The following RHBDL3 variants were observed in gnomAD, a reference collection of about 807,000 sequenced individuals.
The protein encoded by RHBDL3 is rhomboid like 3.
RHBDL3 carries 28 observed loss-of-function variants against 48.2 expected under a neutral mutation model. The observed-to-expected ratio is 0.58, with a 90% CI of 0.43 to 0.80. The LOEUF (loss-of-function observed/expected upper bound fraction) is 0.80, where lower values mean the gene tolerates loss of function less well. Among genes scored for constraint, RHBDL3 ranks in the 30% least tolerant of loss-of-function variants. The pLI is 0.00. For synonymous variants in RHBDL3, 208 were observed against 232.3 expected, an observed-to-expected ratio of 0.90 and a Z score of 0.95; for missense variants, 464 against 542.7, an observed-to-expected ratio of 0.85 and a Z score of 1.44.
At chr17:32,312,363 AGGT>A (rs1476680602) in intron 7 of RHBDL3, among the ~76,000 whole-genome samples, 1 of 152,156 alleles carries the variant, frequency 6.6e-6, no homozygotes, top group Non-Finnish European at 1.5e-5. Context: ...TGAGCCCAGA[AGGT>A]CAAGGCTGCA....
At chr17:32,287,269 A>C (rs1380932849) in intron 3 of RHBDL3, among the ~76,000 whole-genome samples, 1 of 152,144 alleles carries the variant, frequency 6.6e-6, no homozygotes, top group Non-Finnish European at 1.5e-5. Context: ...TCCCCTGTGC[A>C]GGTGCATCCT....
At chr17:32,315,303 C>A (rs998695170) in intron 7 of RHBDL3, among the ~76,000 whole-genome samples, 1 of 152,208 alleles carries the variant, frequency 6.6e-6, no homozygotes, top group Non-Finnish European at 1.5e-5. Flanking sequence ...AGGAAGATTC[C>A]GGGCTTATTT....
chr17:32,294,579 CATTT>C (rs1382547117), intron 5 of RHBDL3, 137 bp downstream of exon 5: 1 of 747,398 alleles, frequency 1.3e-6, no homozygotes, highest in Non-Finnish European at 2.1e-6. Flanking sequence ...GCTTGAAACT[CATTT>C]AATACCAAAA....
rs2041151618 is a variant in RHBDL3 at position 32,322,213 on chromosome 17, G to C, written c.*984G>C. On this transcript the variant is annotated 3_prime_UTR_variant, in exon 9 of 9. Transcript: ENST00000269051. ...CTGCAGAGAAGGCATGGAGGATGCA[G>C]GGGGCCCATGTGGGCATCCGTGAGA... 6.6e-6 allele frequency: 1 copy of C among 152,566 alleles called. No individual in the cohort carries two copies. The allele number at this position is 152,566 out of a possible 1,614,324, so 9.5% of individuals were successfully genotyped here. A position where few individuals can be genotyped will look rare whatever the true frequency, so the allele number is the denominator to read the frequency against.
chr17:32,294,150 G>A, intron 4 of RHBDL3, 144 bp from the exon 5 acceptor site: 2 of 535,666 alleles, frequency 3.7e-6, no homozygotes, highest in East Asian at 6.6e-5. Context: ...AAAAAACTCA[G>A]TTGGGCCCTG....
intron 5 of RHBDL3, among the ~76,000 whole-genome samples, chr17:32,295,952 C>T (rs1008663526): frequency 1.3e-5 from 2 of 151,984 alleles, no homozygotes; most frequent in Non-Finnish European, 2.9e-5. Context: ...TCCAGCCGGG[C>T]GCGGTGGCTC....
intron 3 of RHBDL3, among the ~76,000 whole-genome samples, chr17:32,287,889 A>G (rs535121072): frequency 5.9e-5 from 9 of 152,320 alleles, no homozygotes; most frequent in African/African-American, 1.7e-4. Context: ...TCGGGAGGCC[A>G]GGAGTCAGCA....
intron 8 of RHBDL3, among the ~76,000 whole-genome samples, chr17:32,320,195 C>T (rs2041090010): frequency 6.6e-6 from 1 of 152,014 alleles, no homozygotes; most frequent in Non-Finnish European, 1.5e-5. Flanking sequence ...ATCACCTGAG[C>T]CCGGGAGGTT....
At chr17:32,275,084 T>G (rs968441479) in intron 2 of RHBDL3, among the ~76,000 whole-genome samples, 3 of 152,142 alleles carry the variant, frequency 2.0e-5, no homozygotes, top group African/African-American at 7.2e-5. Context: ...AGAGAGACCC[T>G]TTGGTGGCTG....
chr17:32,280,355 G>A (rs558787856), intron 2 of RHBDL3: 22 of 152,496 alleles, frequency 1.4e-4, no homozygotes, highest in African/African-American at 5.3e-4. Context: ...CAGTGCCTGG[G>A]GGAGGGGAGC....
chr17:32,297,093 C>T (rs1189969571), intron 5 of RHBDL3, among the ~76,000 whole-genome samples: 1 of 151,906 alleles, frequency 6.6e-6, no homozygotes, highest in Non-Finnish European at 1.5e-5. Context: ...TCAGGTGATC[C>T]ACCTGTCTGG....
intron 5 of RHBDL3, among the ~76,000 whole-genome samples, chr17:32,297,652 CTTTTTTTTTTTTTTTTTTT>C (rs71362824): frequency 5.9e-5 from 3 of 50,942 alleles, no homozygotes; most frequent in Non-Finnish European, 1.1e-4. Context: ...GTTGCTGGAT[CTTTTTTTTTTTTTTTTTTT>C]TTTTTTTTTT....
chr17:32,320,950 C>T lies in RHBDL3; in HGVS notation c.944-8C>T. 14 of 1,607,548 alleles carry T rather than the reference C, an allele frequency of 8.7e-6. No individual in the cohort carries two copies. Among genetic ancestry groups the T allele is most frequent in the Non-Finnish European group, 1.2e-5 (14 of 1,176,072 alleles). On this transcript the variant is annotated splice_polypyrimidine_tract_variant and splice_region_variant and intron_variant, in intron 8 of 8. Coordinates refer to ENST00000269051, the MANE Select transcript of RHBDL3 (RefSeq NM_138328.3). Reference sequence around the variant, plus strand: ...CCTGTGACATCTCTCTGCTTCCTCCCCTTGCAGTGAGCATGGAGTTTGGGC... The same window carrying T: ...CCTGTGACATCTCTCTGCTTCCTCCTCTTGCAGTGAGCATGGAGTTTGGGC...
At chr17:32,310,298 T>A (rs1446142004) in intron 7 of RHBDL3, among the ~76,000 whole-genome samples, 1 of 152,154 alleles carries the variant, frequency 6.6e-6, no homozygotes, top group East Asian at 1.9e-4. Context: ...GTTTACTTTA[T>A]TGGCCGGGCG....
intron 6 of RHBDL3, among the ~76,000 whole-genome samples, chr17:32,300,927 C>G (rs1021258142): frequency 6.6e-6 from 1 of 151,682 alleles, no homozygotes; most frequent in African/African-American, 2.4e-5. Context: ...GTCACCCAGG[C>G]TGGAGTGCAG....
chr17:32,267,762 C>T, intron 1 of RHBDL3, 140 bp from the exon 2 acceptor site: 2 of 1,495,114 alleles, frequency 1.3e-6, no homozygotes, highest in Non-Finnish European at 1.8e-6. Flanking sequence ...TGTGGCCAGT[C>T]CCTGAGCCTG....
At chr17:32,309,800 G>C (rs1488210109) in intron 7 of RHBDL3, among the ~76,000 whole-genome samples, 1 of 105,902 alleles carries the variant, frequency 9.4e-6, no homozygotes, top group African/African-American at 4.0e-5. Flanking sequence ...TTTTTTTTGA[G>C]ACAGGGTTTC....
Position 32,267,941 on chromosome 17 carries a change from AC to A in RHBDL3, c.135+22del, listed in dbSNP as rs2039676471. On this transcript the variant is annotated intron_variant, in intron 2 of 8. Transcript: ENST00000269051. ...GTTTGATCAGGTATGTGAGCAGTTA[AC>A]CCCCCATTTCCTTCCAGCCCTCCCT... The A allele has an allele frequency of 1.3e-6, 2 of 1,588,836 alleles. No homozygotes were observed. The highest frequency in any genetic ancestry group is 2.2e-5 in the East Asian group (1 of 44,700).
chr17:32,297,813 T>C (rs1252559291), intron 5 of RHBDL3, among the ~76,000 whole-genome samples: 1 of 152,056 alleles, frequency 6.6e-6, no homozygotes. Flanking sequence ...TTGCTGGATC[T>C]TGACTGTGGT....
Sources: allele counts gnomAD v4.1 joint callset (sites outside exome capture counted in the v4.1 genomes callset), GRCh38; gene constraint gnomAD v4.1.1; transcripts MANE v1.5; gene names NCBI Gene and HGNC (gene_info 2026-07-23, HGNC 2026-07-21).